The following CEP192 variants were observed in gnomAD, a reference collection of about 807,000 sequenced individuals.
CEP192 encodes centrosomal protein 192, also known as centrosomal protein of 192 kDa.
A neutral mutation model predicts 271.8 loss-of-function variants in CEP192; 151 were observed. The observed-to-expected ratio is 0.56, with a 90% CI of 0.49 to 0.64. The LOEUF (loss-of-function observed/expected upper bound fraction) is 0.64, where lower values mean the gene tolerates loss of function less well. Ranked by LOEUF, CEP192 falls within the 30% of genes least tolerant of loss-of-function variation. CEP192 has a pLI of 0.00. For missense variants in CEP192, 2,910 were observed against 3,020.5 expected, an observed-to-expected ratio of 0.96 and a Z score of 0.86; for synonymous variants, 995 against 1,076.5, an observed-to-expected ratio of 0.92 and a Z score of 1.48.
At chr18:13,075,744 A>G (rs1000495608) in intron 30 of CEP192, among the ~76,000 whole-genome samples, 6 of 152,222 alleles carry the variant, frequency 3.9e-5, no homozygotes, top group African/African-American at 1.4e-4. Context: ...TCTTCAAAAC[A>G]ACCATTCGAG....
At chr18:13,024,080 G>A (rs1354150600) in intron 9 of CEP192, among the ~76,000 whole-genome samples, 1 of 152,072 alleles carries the variant, frequency 6.6e-6, no homozygotes, top group Non-Finnish European at 1.5e-5. Context: ...TTCTGATAGA[G>A]GAGTGTTGAG....
intron 14 of CEP192, 125 bp downstream of exon 14, chr18:13,041,081 G>A (rs2036176682): frequency 1.3e-6 from 1 of 751,610 alleles, no homozygotes; most frequent in South Asian, 2.6e-5. Context: ...GTTTCTCAGT[G>A]TTGGTTATAG....
rs566889391 is a variant in CEP192 at position 13,022,483 on chromosome 18, C to T, written c.1050+3277C>T. On this transcript the variant is annotated intron_variant, in intron 9 of 44. Coordinates refer to ENST00000506447, the MANE Select transcript of CEP192 (RefSeq NM_032142.4). ...GCAACCTCCACCTTCTGGGTTCAAGCGATCCTCTCTCCTCAGCCTGCCAGG... is the reference window on the plus strand; with the variant it reads ...GCAACCTCCACCTTCTGGGTTCAAGTGATCCTCTCTCCTCAGCCTGCCAGG... Among the ~76,000 whole-genome samples, 9 of 152,202 alleles carry T rather than the reference C, an allele frequency of 5.9e-5. No individual in the cohort carries two copies. In the South Asian group the frequency reaches 1.5e-3, roughly 25 times the overall value.
At chr18:13,105,183 C>A in intron 40 of CEP192, 104 bp downstream of exon 40, 1 of 792,618 alleles carries the variant, frequency 1.3e-6, no homozygotes, top group South Asian at 1.4e-5. Flanking sequence ...CAGTGCTACT[C>A]ACAGAGCCAG....
chr18:13,035,629 C>T (rs532642648), intron 11 of CEP192, among the ~76,000 whole-genome samples: 1 of 152,258 alleles, frequency 6.6e-6, no homozygotes, highest in South Asian at 2.1e-4. Flanking sequence ...CCATATTACC[C>T]TCTTTTGGGC....
intron 18 of CEP192, 147 bp from the exon 19 acceptor site, chr18:13,055,633 A>G: frequency 3.6e-6 from 2 of 555,996 alleles, no homozygotes; most frequent in Non-Finnish European, 6.2e-6. Context: ...TCACAACTGC[A>G]AGACTACTAT....
At chr18:13,009,561 G>A (rs1213129600) in intron 4 of CEP192, among the ~76,000 whole-genome samples, 1 of 152,212 alleles carries the variant, frequency 6.6e-6, no homozygotes, top group Non-Finnish European at 1.5e-5. Flanking sequence ...GGCCAGGCAT[G>A]GTGGCTTACG....
At position 13,100,598 on chromosome 18, in the gene CEP192, A is replaced by G. The variant is rs548210744; in HGVS notation, c.6871+86A>G. 15 of 1,086,108 alleles carry G rather than the reference A, an allele frequency of 1.4e-5. No individual in the cohort carries two copies. In the African/African-American group the frequency reaches 1.6e-4, roughly 11 times the overall value. 67.3% of individuals were successfully genotyped at this position (1,086,108 alleles called of 1,614,324 possible). ...ATTCTTAGCCATAAGTTGGTGATAA[A>G]TATAAATTTCCTCCTACTTCAGGAG... is the stretch of plus-strand genomic sequence containing the variant. On this transcript the variant is annotated intron_variant, in intron 38 of 44. Transcript: ENST00000506447.
chr18:13,019,932 C>A (rs1034982695), intron 9 of CEP192, among the ~76,000 whole-genome samples: 10 of 151,888 alleles, frequency 6.6e-5, no homozygotes, highest in Non-Finnish European at 1.3e-4. Flanking sequence ...CCTGTCTCAG[C>A]CTCCCAAGTA....
Position 13,068,194 on chromosome 18 carries a change from C to T in CEP192, c.4715C>T (p.Pro1572Leu), listed in dbSNP as rs1192656490. The T allele has an allele frequency of 6.2e-6, 10 of 1,614,232 alleles. No individual in the cohort carries two copies. The highest frequency in any genetic ancestry group is 2.2e-5 in the East Asian group (1 of 44,890). ...CADVVTRLAG[P>L]SVVNHMMPAS... The stretch of plus-strand genomic sequence containing the variant: ...GATGTGGTCACTCGGCTAGCAGGCC[C>T]TTCTGTGGTCAACCACATGATGCCT... The change falls in exon 23 of 45, where the codon CCT becomes CTT. Residue 1572 changes from proline (P) to leucine (L), a missense_variant. By Grantham distance (98) the Pro-to-Leu change is moderately conservative. Transcript: ENST00000506447.
At chr18:13,031,336 C>T (rs2035615554) in intron 11 of CEP192, among the ~76,000 whole-genome samples, 1 of 150,836 alleles carries the variant, frequency 6.6e-6, no homozygotes, top group South Asian at 2.1e-4. Flanking sequence ...CAAGCTCCGC[C>T]TCCCGGGTTC....
Position 13,038,510 on chromosome 18 carries a change from T to C in CEP192, c.1740T>C (p.Ser580=), listed in dbSNP as rs369259916. The change falls in exon 13 of 45, where the codon TCT becomes TCC. Residue 580 remains serine (S), a synonymous_variant. Coordinates refer to ENST00000506447, the MANE Select transcript of CEP192 (RefSeq NM_032142.4). ...ATGATGCCAGTTATTTACGTCTGTC[T>C]TTAGGAGAGTTCTTTGCTCAAAGAT... ...DKDDASYLRL[S]LGEFFAQRSE... is the part of the protein sequence containing the mutation. 1 of 1,551,542 alleles carries C rather than the reference T, an allele frequency of 6.4e-7. No homozygotes were observed. The highest frequency in any genetic ancestry group is 1.4e-5 in the African/African-American group (1 of 73,028).
At chr18:12,993,095 T>C (rs1476188466) in intron 1 of CEP192, among the ~76,000 whole-genome samples, 4 of 152,134 alleles carry the variant, frequency 2.6e-5, no homozygotes, top group Non-Finnish European at 5.9e-5. Context: ...CAACGGGCAT[T>C]AGGAATATAG....
chr18:13,087,019 A>ACCTTT lies in CEP192; in HGVS notation c.5620_5624dup (p.Leu1875PhefsTer26). The ACCTTT allele has an allele frequency of 6.3e-7, 1 of 1,595,946 alleles. No homozygotes were observed. The highest frequency in any genetic ancestry group is 8.6e-7 in the Non-Finnish European group (1 of 1,168,342). ...TTGGATATGTATATCTTTTTTAGAT[A>ACCTTT]CCTTTGTCTGGATATGGAGGAACAA... On this transcript the variant is annotated frameshift_variant, in exon 31 of 45. Transcript: ENST00000506447. LOFTEE classifies it high-confidence loss of function.
At chr18:13,067,737 T>C (rs1598498281) in intron 21 of CEP192, 94 bp from the exon 22 acceptor site, 2 of 1,049,372 alleles carry the variant, frequency 1.9e-6, no homozygotes, top group East Asian at 2.4e-5. Flanking sequence ...TGCTGACTCA[T>C]AATTTGTGGC....
At chr18:13,031,382 G>A (rs1304060191) in intron 11 of CEP192, among the ~76,000 whole-genome samples, 1 of 151,514 alleles carries the variant, frequency 6.6e-6, no homozygotes, top group Non-Finnish European at 1.5e-5. Context: ...CAAGTAGCTG[G>A]GACTACAGGC....
chr18:13,041,102 T>C (rs1402456169), intron 14 of CEP192, 146 bp downstream of exon 14: 2 of 626,970 alleles, frequency 3.2e-6, no homozygotes, highest in African/African-American at 3.8e-5. Flanking sequence ...ATTTGATTCA[T>C]ATGTAACCCC....
rs1216324825 is a variant in CEP192 at position 13,069,100 on chromosome 18, C to T, written c.4974C>T (p.Phe1658=). 1 of 1,614,154 alleles carries T rather than the reference C, an allele frequency of 6.2e-7. No individual in the cohort carries two copies. The highest frequency in any genetic ancestry group is 8.5e-7 in the Non-Finnish European group (1 of 1,180,018). The change falls in exon 26 of 45, where the codon TTC becomes TTT. Residue 1658 remains phenylalanine (F), a synonymous_variant. Coordinates refer to ENST00000506447, the MANE Select transcript of CEP192 (RefSeq NM_032142.4). ...GCCCCATCCTCCAGACGATGCATTT[C>T]TTGGCCAAAGTGGCTTCCTCAAGAA... The part of the protein sequence containing the change: ...HAPRDLQTMH[F]LAKVASSRKQ...
At chr18:13,068,631 T>C (rs1426610649) in intron 24 of CEP192, among the ~76,000 whole-genome samples, 1 of 152,276 alleles carries the variant, frequency 6.6e-6, no homozygotes, top group Non-Finnish European at 1.5e-5. Context: ...GAAAACCTTT[T>C]AGAATATTTT....
Sources: allele counts gnomAD v4.1 joint callset (sites outside exome capture counted in the v4.1 genomes callset), GRCh38; gene constraint gnomAD v4.1.1; transcripts MANE v1.5; gene names NCBI Gene and HGNC (gene_info 2026-07-23, HGNC 2026-07-21).